The following CNGA3 variants were observed in gnomAD, a reference collection of about 807,000 sequenced individuals.
CNGA3 encodes the protein cyclic nucleotide-gated channel alpha-3.
A neutral mutation model predicts 46.6 loss-of-function variants in CNGA3; 42 were observed. The observed-to-expected ratio is 0.90, with a 90% CI of 0.70 to 1.17. CNGA3 has a LOEUF of 1.17. CNGA3 is among the 50% of genes most tolerant of loss of function. The probability of loss-of-function intolerance (pLI) is 0.00; values close to 1 mark genes in which losing one functional copy is unlikely to be tolerated. For synonymous variants in CNGA3, 394 were observed against 369.4 expected (o/e 1.07, Z -0.76); for missense variants, 893 against 890.7 (o/e 1.00, Z -0.03).
intron 1 of CNGA3, among the ~76,000 whole-genome samples, chr2:98,351,574 G>A (rs757682440): frequency 2.6e-5 from 4 of 152,116 alleles, no homozygotes; most frequent in Admixed American, 6.5e-5. Context: ...CCATTCTCGG[G>A]TATGTCTTTA....
chr2:98,382,525 G>A (rs1351021720), intron 4 of CNGA3, among the ~76,000 whole-genome samples: 3 of 152,192 alleles, frequency 2.0e-5, no homozygotes, highest in Admixed American at 6.5e-5. Context: ...ATCAAGCATC[G>A]TGGAAGAGGT....
chr2:98,395,486 T>C (rs1361402513), intron 7 of CNGA3, among the ~76,000 whole-genome samples: 2 of 152,216 alleles, frequency 1.3e-5, no homozygotes, highest in Non-Finnish European at 2.9e-5. Flanking sequence ...CACTTTTTGA[T>C]TTACAACATG....
In CNGA3 at chr2:98,346,506, C is replaced by G; in HGVS notation, c.-66C>G. ...AGGAGGCGCTCCGCAGACCCTGGCG[C>G]GCCGCGGAGAAGCTCAAACTTTGGC... On this transcript the variant is annotated 5_prime_UTR_variant, in exon 1 of 8. Coordinates refer to ENST00000272602, the MANE Select transcript of CNGA3 (RefSeq NM_001298.3). 5.0e-6 allele frequency: 2 copies of G among 398,304 alleles called. No homozygotes were observed. Among genetic ancestry groups the G allele is most frequent in the Non-Finnish European group, 4.4e-6 (1 of 225,958 alleles). The allele number at this position is 398,304 out of a possible 1,614,324, so 24.7% of individuals were successfully genotyped here.
chr2:98,363,309 T>A (rs1463171941), intron 1 of CNGA3, among the ~76,000 whole-genome samples: 1 of 152,240 alleles, frequency 6.6e-6, no homozygotes, highest in Non-Finnish European at 1.5e-5. Context: ...TCCATTTGTG[T>A]CCTCTCTGAT....
At chr2:98,354,315 G>C (rs1428671719) in intron 1 of CNGA3, among the ~76,000 whole-genome samples, 1 of 152,118 alleles carries the variant, frequency 6.6e-6, no homozygotes, top group Non-Finnish European at 1.5e-5. Context: ...ACTGTAGTAA[G>C]TCATTGTGCT....
At chr2:98,373,400 C>G (rs1692332288) in intron 2 of CNGA3, among the ~76,000 whole-genome samples, 1 of 152,154 alleles carries the variant, frequency 6.6e-6, no homozygotes, top group Non-Finnish European at 1.5e-5. Flanking sequence ...GTTAATCGCT[C>G]TTTATCTTCA....
At chr2:98,364,963 T>C (rs1574365763) in intron 1 of CNGA3, among the ~76,000 whole-genome samples, 1 of 152,056 alleles carries the variant, frequency 6.6e-6, no homozygotes, top group Non-Finnish European at 1.5e-5. Context: ...GCTTGTAGGG[T>C]TTCTGGGGAG....
At chr2:98,367,176 C>CTTTTTTTT (rs1182363811) in intron 1 of CNGA3, among the ~76,000 whole-genome samples, 23 of 115,432 alleles carry the variant, frequency 2.0e-4, no homozygotes, top group Admixed American at 8.0e-4. Flanking sequence ...TGTTTTTTTT[C>CTTTTTTTT]TTTTTTTTCT....
intron 1 of CNGA3, among the ~76,000 whole-genome samples, chr2:98,365,638 T>C (rs1035691983): frequency 1.3e-5 from 2 of 152,186 alleles, no homozygotes; most frequent in Admixed American, 6.5e-5. Context: ...CTTGTCTGCC[T>C]GTCTTATTTC....
At chr2:98,358,788 T>TC in intron 1 of CNGA3, among the ~76,000 whole-genome samples, 1 of 152,198 alleles carries the variant, frequency 6.6e-6, no homozygotes. Flanking sequence ...AACTTACATT[T>TC]CCCTTTAGTG....
intron 4 of CNGA3, among the ~76,000 whole-genome samples, chr2:98,380,933 G>A (rs1485857318): frequency 2.7e-5 from 4 of 150,162 alleles, no homozygotes; most frequent in African/African-American, 7.4e-5. Context: ...AGAGTAGAGC[G>A]AGGTGGGGAG....
intron 1 of CNGA3, among the ~76,000 whole-genome samples, chr2:98,354,061 A>G (rs886700819): frequency 1.1e-4 from 17 of 152,246 alleles, no homozygotes; most frequent in African/African-American, 3.9e-4. Context: ...GGGAGGGGAC[A>G]TAGATCCAAA....
chr2:98,382,863 A>G (rs778514647), intron 4 of CNGA3, among the ~76,000 whole-genome samples: 4 of 152,198 alleles, frequency 2.6e-5, no homozygotes, highest in Non-Finnish European at 4.4e-5. Flanking sequence ...AACAGCAACA[A>G]TCCCACCTAT....
intron 5 of CNGA3, among the ~76,000 whole-genome samples, chr2:98,385,365 A>G (rs2104218936): frequency 6.6e-6 from 1 of 152,324 alleles, no homozygotes; most frequent in African/African-American, 2.4e-5. Context: ...TCATTTAATG[A>G]TTTTAATAAC....
chr2:98,380,111 T>G, intron 3 of CNGA3, 64 bp from the exon 4 acceptor site: 1 of 1,563,396 alleles, frequency 6.4e-7, no homozygotes, highest in Non-Finnish European at 8.8e-7. Context: ...AGGGAAAGAC[T>G]GGGGTTTGGG....
At chr2:98,389,827 GC>G in intron 6 of CNGA3, 53 bp downstream of exon 6, 4 of 1,463,620 alleles carry the variant, frequency 2.7e-6, no homozygotes, top group Admixed American at 1.7e-5. Context: ...AGGGCACCAG[GC>G]CCAGGAGCCA....
In CNGA3 at chr2:98,377,765, C is replaced by G; in HGVS notation, c.180C>G (p.Ser60=). 6.2e-7 allele frequency: 1 copy of G among 1,612,546 alleles called. No homozygotes were observed. The highest frequency in any genetic ancestry group is 2.2e-5 in the East Asian group (1 of 44,878). Residue 60 remains serine, a synonymous_variant, in exon 3 of 8, where the codon TCC becomes TCG. Transcript: ENST00000272602. ...IAMETRGLAD[S]GQGSFTGQGI... ...TGGAGACCAGAGGACTGGCTGACTC[C>G]GGGCAGGGCTCCTTCACCGGCCAGG...
chr2:98,378,839 C>A lies in CNGA3; in HGVS notation c.215+1039C>A, dbSNP rs143128214. Among the ~76,000 whole-genome samples, 122 of 152,300 alleles carry A rather than the reference C, an allele frequency of 8.0e-4. 1 individual carries two copies. The highest frequency in any genetic ancestry group is 2.9e-3 in the African/African-American group (120 of 41,560). Reference sequence around the variant, plus strand: ...GGGACCTGGGGAGGTAGTCACCTTCCCCCTCCCATTTTCTCATGGAGTTTC... The same window carrying A: ...GGGACCTGGGGAGGTAGTCACCTTCACCCTCCCATTTTCTCATGGAGTTTC... On this transcript the variant is annotated intron_variant, in intron 3 of 7. Coordinates refer to ENST00000272602, the MANE Select transcript of CNGA3 (RefSeq NM_001298.3).
At chr2:98,348,947 C>T (rs17429278) in intron 1 of CNGA3, among the ~76,000 whole-genome samples, 5,945 of 152,186 alleles carry the variant, frequency 0.039, 167 homozygotes, top group Middle Eastern at 0.078. Flanking sequence ...TAGGCCTCCC[C>T]AGCAAGGTTA....
Sources: gnomAD v4.1 joint callset for allele counts (sites outside exome capture counted in the v4.1 genomes callset) on GRCh38, gnomAD v4.1.1 for gene constraint, MANE v1.5 for transcripts, NCBI Gene and HGNC (gene_info 2026-07-23, HGNC 2026-07-21) for gene names.